Variants in FBXL17 observed in about 807,000 individuals in gnomAD.
FBXL17 encodes F-box and leucine rich repeat protein 17, also known as F-box/LRR-repeat protein 17.
FBXL17 carries 22 observed loss-of-function variants against 66.2 expected under a neutral mutation model. The ratio of observed to expected loss-of-function variants is 0.33; its 90% CI spans 0.24 to 0.47. FBXL17 has a LOEUF of 0.47. Ranked by LOEUF, FBXL17 falls within the 20% of genes least tolerant of loss-of-function variation. FBXL17 has a pLI of 1.00. For missense variants in FBXL17, 878 were observed against 948.2 expected (o/e 0.93, Z 0.97); for synonymous variants, 474 against 400.5 (o/e 1.18, Z -2.19).
intron 6 of FBXL17, among the ~76,000 whole-genome samples, chr5:108,051,844 C>T (rs1263873054): frequency 6.6e-6 from 1 of 152,116 alleles, no homozygotes; most frequent in East Asian, 1.9e-4. Context: ...GGTGCTGTGG[C>T]TCACACCTGT....
intron 7 of FBXL17, among the ~76,000 whole-genome samples, chr5:107,910,655 A>G (rs1291686430): frequency 1.3e-5 from 2 of 152,180 alleles, no homozygotes; most frequent in African/African-American, 2.4e-5. Context: ...CTAAAAAAGT[A>G]TAAGAAACTC....
At chr5:107,941,487 T>C (rs1580732108) in intron 7 of FBXL17, among the ~76,000 whole-genome samples, 1 of 152,164 alleles carries the variant, frequency 6.6e-6, no homozygotes, top group African/African-American at 2.4e-5. Context: ...TGCTCCACAG[T>C]TTCCTCGGAT....
chr5:108,294,693 G>A lies in FBXL17; in HGVS notation c.1506+53706C>T, dbSNP rs895272319. Among the ~76,000 whole-genome samples, 3 of 151,750 alleles carry A rather than the reference G, an allele frequency of 2.0e-5. No homozygotes were observed. The South Asian group carries it at 6.2e-4, about 31-fold the overall frequency. On this transcript the variant is annotated intron_variant, in intron 4 of 8. Coordinates refer to ENST00000542267, the MANE Select transcript of FBXL17 (RefSeq NM_001163315.3). The stretch of plus-strand genomic sequence containing the variant: ...AACCACTGAAAGCAAACTGCATAAA[G>A]GTAAGTCTTTACTCTGAACTTGGCT...
At chr5:107,981,348 T>C (rs748267151) in intron 7 of FBXL17, among the ~76,000 whole-genome samples, 8 of 152,382 alleles carry the variant, frequency 5.2e-5, no homozygotes, top group Non-Finnish European at 1.0e-4. Context: ...TTACTGTTTC[T>C]GCACATCTGT....
At chr5:107,915,271 T>A (rs1001463957) in intron 7 of FBXL17, among the ~76,000 whole-genome samples, 3 of 152,194 alleles carry the variant, frequency 2.0e-5, no homozygotes, top group Non-Finnish European at 2.9e-5. Flanking sequence ...GCCAATTTTT[T>A]AAATTTGTAT....
At chr5:107,876,296 T>C (rs1040371877) in intron 8 of FBXL17, among the ~76,000 whole-genome samples, 5 of 152,154 alleles carry the variant, frequency 3.3e-5, no homozygotes, top group Admixed American at 6.5e-5. Context: ...TCTTTAATGA[T>C]ACCCCAGACG....
At chr5:108,049,260 A>G (rs935380924) in intron 6 of FBXL17, among the ~76,000 whole-genome samples, 1 of 151,904 alleles carries the variant, frequency 6.6e-6, no homozygotes, top group Non-Finnish European at 1.5e-5. Flanking sequence ...CCCCTGCCTT[A>G]GCCTCCCAAG....
At chr5:108,078,041 G>A (rs765932050) in intron 6 of FBXL17, among the ~76,000 whole-genome samples, 2 of 152,034 alleles carry the variant, frequency 1.3e-5, no homozygotes, top group Admixed American at 6.6e-5. Flanking sequence ...CCTCAGAGGC[G>A]CTAGAAAAAC....
intron 8 of FBXL17, chr5:107,879,969 C>T (rs897570007): frequency 4.3e-5 from 38 of 877,834 alleles, no homozygotes; most frequent in Middle Eastern, 5.8e-4. Context: ...CATTTTCTCC[C>T]CTTCACAATG....
At chr5:108,364,042 T>C (rs1379441015) in intron 3 of FBXL17, among the ~76,000 whole-genome samples, 1 of 152,006 alleles carries the variant, frequency 6.6e-6, no homozygotes, top group African/African-American at 2.4e-5. Context: ...CCTTATAAGT[T>C]GGTAACATTC....
At chr5:108,156,997 T>C (rs1158664065) in intron 6 of FBXL17, among the ~76,000 whole-genome samples, 2 of 151,836 alleles carry the variant, frequency 1.3e-5, no homozygotes, top group African/African-American at 4.8e-5. Context: ...AATCATTCTT[T>C]AAATAATCTA....
intron 7 of FBXL17, among the ~76,000 whole-genome samples, chr5:107,886,524 A>G (rs1748976923): frequency 6.6e-6 from 1 of 152,090 alleles, no homozygotes; most frequent in Admixed American, 6.6e-5. Flanking sequence ...CCAGGACTGG[A>G]GCAGGGAAAG....
At chr5:108,079,713 T>C (rs1049237513) in intron 6 of FBXL17, among the ~76,000 whole-genome samples, 1 of 152,178 alleles carries the variant, frequency 6.6e-6, no homozygotes, top group Non-Finnish European at 1.5e-5. Context: ...ATTTTGTGGG[T>C]GCCAGCAATG....
intron 8 of FBXL17, among the ~76,000 whole-genome samples, chr5:107,876,562 G>C (rs752915367): frequency 6.6e-6 from 1 of 152,076 alleles, no homozygotes; most frequent in Non-Finnish European, 1.5e-5. Context: ...CCGAGGCCTC[G>C]CAAACAGCCA....
intron 7 of FBXL17, among the ~76,000 whole-genome samples, chr5:107,959,273 TC>T (rs1751794870): frequency 6.6e-6 from 1 of 151,944 alleles, no homozygotes; most frequent in Non-Finnish European, 1.5e-5. Context: ...AGAGGGGTAG[TC>T]AAGAATAATT....
intron 4 of FBXL17, among the ~76,000 whole-genome samples, chr5:108,260,096 T>C (rs1435241038): frequency 6.6e-6 from 1 of 151,722 alleles, no homozygotes; most frequent in Non-Finnish European, 1.5e-5. Context: ...AGGAAACCGG[T>C]TGTTGGAAAA....
At position 108,081,672 on chromosome 5, in the gene FBXL17, G is replaced by C. The variant is rs888191664; in HGVS notation, c.1746-60671C>G. On this transcript the variant is annotated intron_variant, in intron 6 of 8. Coordinates refer to ENST00000542267, the MANE Select transcript of FBXL17 (RefSeq NM_001163315.3). ...CGGGAGGCGGAGCTTGCAGTGAGCC[G>C]AGATCGTGCCACTGCATTCCAGCCT... Among the ~76,000 whole-genome samples, 5 of 152,006 alleles carry C rather than the reference G, an allele frequency of 3.3e-5. No homozygotes were observed. The East Asian group carries it at 9.7e-4, about 29-fold the overall frequency.
At chr5:108,363,980 TAAAAC>T (rs1748500276) in intron 3 of FBXL17, among the ~76,000 whole-genome samples, 1 of 152,004 alleles carries the variant, frequency 6.6e-6, no homozygotes, top group Non-Finnish European at 1.5e-5. Flanking sequence ...AGAAAAATAT[TAAAAC>T]AAATAAGACT....
At position 108,360,852 on chromosome 5, in the gene FBXL17, G is replaced by A. The variant is rs571616058; in HGVS notation, c.1374+3886C>T. ...CTTCTTTCTTCCACCTGCTCACTTC[G>A]GCTCTTGAATCCCTCTGGTAAATGT... On this transcript the variant is annotated intron_variant, in intron 3 of 8. Coordinates refer to ENST00000542267, the MANE Select transcript of FBXL17 (RefSeq NM_001163315.3). Among the ~76,000 whole-genome samples the A allele has an allele frequency of 5.3e-5, 8 of 151,680 alleles. No individual in the cohort carries two copies. In the South Asian group the frequency reaches 6.3e-4, roughly 12 times the overall value.
Sources: gnomAD v4.1 joint callset for allele counts (sites outside exome capture counted in the v4.1 genomes callset) on GRCh38, gnomAD v4.1.1 for gene constraint, MANE v1.5 for transcripts, NCBI Gene and HGNC (gene_info 2026-07-23, HGNC 2026-07-21) for gene names.